Variants in CYP7B1 observed in about 807,000 individuals in gnomAD.
The protein encoded by CYP7B1 is cytochrome P450 7B1.
CYP7B1 carries 29 observed loss-of-function variants against 42.7 expected under a neutral mutation model. That is an observed-to-expected ratio of 0.68 (90% CI 0.51 to 0.93). CYP7B1 has a LOEUF of 0.93. Among genes scored for constraint, CYP7B1 ranks in the 40% least tolerant of loss-of-function variants. The pLI is 0.00. For missense variants in CYP7B1, 655 were observed against 600.5 expected (o/e 1.09, Z -0.95); for synonymous variants, 235 against 218.2 (o/e 1.08, Z -0.68).
intron 1 of CYP7B1, among the ~76,000 whole-genome samples, chr8:64,658,373 A>G (rs1441914679): frequency 1.3e-5 from 2 of 152,216 alleles, no homozygotes; most frequent in African/African-American, 4.8e-5. Flanking sequence ...AATTTAAAAC[A>G]TTAGAAACAC....
chr8:64,615,136 GC>G lies in CYP7B1; in HGVS notation c.946del (p.Ala316GlnfsTer34). 1 of 1,613,692 alleles carries G rather than the reference GC, an allele frequency of 6.2e-7. No homozygotes were observed. Among genetic ancestry groups the G allele is most frequent in the Non-Finnish European group, 8.5e-7 (1 of 1,179,798 alleles). On this transcript the variant is annotated frameshift_variant, in exon 4 of 6. Transcript: ENST00000310193. LOFTEE classifies it high-confidence loss of function. ...YYLLRHPEAMAAVRDEIDRLL... is the reference protein window; with the variant it reads ...YYLLRHPEAMXAVRDEIDRLL... ...ACGGTCAATTTCGTCACGCACTGCT[GC>G]CATAGCTTCTGGGTGCCGCAGAAGA...
At chr8:64,673,438 ATGCTCCCC>A (rs575234313) in intron 1 of CYP7B1, among the ~76,000 whole-genome samples, 7 of 152,192 alleles carry the variant, frequency 4.6e-5, no homozygotes, top group Admixed American at 4.6e-4. Flanking sequence ...CCTGTAGCTT[ATGCTCCCC>A]TGCTCTGGAC....
chr8:64,598,451 T>G (rs1805150319), intron 5 of CYP7B1, among the ~76,000 whole-genome samples: 1 of 152,182 alleles, frequency 6.6e-6, no homozygotes, highest in Non-Finnish European at 1.5e-5. Flanking sequence ...AGGAGACTGG[T>G]CCTCTATCTA....
chr8:64,675,979 C>G (rs1196247643), intron 1 of CYP7B1, among the ~76,000 whole-genome samples: 1 of 152,132 alleles, frequency 6.6e-6, no homozygotes, highest in Non-Finnish European at 1.5e-5. Flanking sequence ...TCCTTGAAGG[C>G]AGGGCCTGTG....
intron 1 of CYP7B1, among the ~76,000 whole-genome samples, chr8:64,711,811 C>T (rs1002184652): frequency 2.0e-5 from 3 of 152,200 alleles, no homozygotes; most frequent in Non-Finnish European, 2.9e-5. Flanking sequence ...ATCAAATCAA[C>T]AATGCTAATT....
In CYP7B1 at chr8:64,597,477, G is replaced by A. The variant is rs116982596; in HGVS notation, c.1234-548C>T. ...AACAAATATAAAATCGTAAGATTCA[G>A]ATAAAGCACTAGAGAGGAACTAAGC... On this transcript the variant is annotated intron_variant, in intron 5 of 5. Transcript: ENST00000310193. Among the ~76,000 whole-genome samples, 4 of 152,336 alleles carry A rather than the reference G, an allele frequency of 2.6e-5. No individual in the cohort carries two copies. In the East Asian group the frequency reaches 5.8e-4, roughly 22 times the overall value.
chr8:64,615,435 G>A (rs959904656), intron 3 of CYP7B1, among the ~76,000 whole-genome samples: 4 of 141,406 alleles, frequency 2.8e-5, no homozygotes, highest in Non-Finnish European at 3.1e-5. Flanking sequence ...GCGGTGTGGT[G>A]GGGGATGAGA....
At chr8:64,734,769 C>T (rs544431149) in intron 1 of CYP7B1, among the ~76,000 whole-genome samples, 2 of 152,294 alleles carry the variant, frequency 1.3e-5, no homozygotes, top group Admixed American at 6.5e-5. Context: ...AAAGACACCC[C>T]TTTATTTGCT....
intron 1 of CYP7B1, among the ~76,000 whole-genome samples, chr8:64,635,181 A>T (rs1317661929): frequency 6.6e-6 from 1 of 152,238 alleles, no homozygotes; most frequent in Non-Finnish European, 1.5e-5. Context: ...TTACTGCAAG[A>T]ATCAGACTGA....
chr8:64,764,118 C>G (rs1030334982), intron 1 of CYP7B1, among the ~76,000 whole-genome samples: 1 of 152,060 alleles, frequency 6.6e-6, no homozygotes, highest in Non-Finnish European at 1.5e-5. Context: ...TTATGTGGGA[C>G]CCGTTCCCCA....
At chr8:64,665,255 G>A (rs1346173260) in intron 1 of CYP7B1, among the ~76,000 whole-genome samples, 1 of 152,146 alleles carries the variant, frequency 6.6e-6, no homozygotes, top group Non-Finnish European at 1.5e-5. Context: ...GATAAAGTAA[G>A]ATGATTAAAG....
intron 1 of CYP7B1, among the ~76,000 whole-genome samples, chr8:64,763,241 G>A (rs577628634): frequency 1.5e-3 from 230 of 152,264 alleles, no homozygotes; most frequent in African/African-American, 5.4e-3. Flanking sequence ...GCCTGGGTTC[G>A]TCCTAATCGA....
At chr8:64,743,043 C>T (rs1159281807) in intron 1 of CYP7B1, among the ~76,000 whole-genome samples, 1 of 152,078 alleles carries the variant, frequency 6.6e-6, no homozygotes, top group African/African-American at 2.4e-5. Context: ...TCCAAGGTAC[C>T]TATGATACCC....
intron 5 of CYP7B1, among the ~76,000 whole-genome samples, chr8:64,597,453 A>G (rs764714041): frequency 1.3e-5 from 2 of 152,240 alleles, no homozygotes; most frequent in Non-Finnish European, 2.9e-5. Flanking sequence ...TTTGGATTAA[A>G]CAAATATAAA....
downstream of CYP7B1, among the ~76,000 whole-genome samples, chr8:64,590,352 A>AC (rs1805017838): frequency 6.6e-6 from 1 of 152,242 alleles, no homozygotes; most frequent in South Asian, 2.1e-4. Context: ...CATTTTCATC[A>AC]CCACCATTCT....
chr8:64,587,307 C>G (rs1408549999), downstream of CYP7B1, among the ~76,000 whole-genome samples: 10 of 152,270 alleles, frequency 6.6e-5, no homozygotes, highest in African/African-American at 2.4e-4. Flanking sequence ...CACCCCTTCT[C>G]TCAGGACTTC....
At chr8:64,639,083 A>T (rs951009181) in intron 1 of CYP7B1, among the ~76,000 whole-genome samples, 2 of 151,920 alleles carry the variant, frequency 1.3e-5, no homozygotes, top group African/African-American at 4.8e-5. Context: ...ACTTTTATAC[A>T]TCTATAGAAG....
At chr8:64,753,427 AGAC>A (rs777498032) in intron 1 of CYP7B1, among the ~76,000 whole-genome samples, 3 of 152,240 alleles carry the variant, frequency 2.0e-5, no homozygotes, top group African/African-American at 4.8e-5. Flanking sequence ...AAGTATATGT[AGAC>A]GTTCTTCGAA....
At chr8:64,697,888 T>C (rs143203328) in intron 1 of CYP7B1, among the ~76,000 whole-genome samples, 21 of 152,288 alleles carry the variant, frequency 1.4e-4, no homozygotes, top group African/African-American at 4.1e-4. Flanking sequence ...GTTTGTGCTC[T>C]TCAGTTTTCA....
Sources: gnomAD v4.1 joint callset for allele counts (sites outside exome capture counted in the v4.1 genomes callset) on GRCh38, gnomAD v4.1.1 for gene constraint, MANE v1.5 for transcripts, NCBI Gene and HGNC (gene_info 2026-07-23, HGNC 2026-07-21) for gene names.